EIF2AK4: variants seen among roughly 807,000 people sequenced by gnomAD.
The protein encoded by EIF2AK4 is eukaryotic translation initiation factor 2 alpha kinase 4.
Under a neutral mutation model 211.1 loss-of-function variants are expected in EIF2AK4, and 139 were observed. That is an observed-to-expected ratio of 0.66 (90% CI 0.57 to 0.76). EIF2AK4 has a LOEUF of 0.76. EIF2AK4 is among the 30% of genes least tolerant of loss of function. EIF2AK4 has a pLI of 0.00. For synonymous variants in EIF2AK4, 710 were observed against 751.3 expected (o/e 0.94, Z 0.90); for missense variants, 1,664 against 2,043.8 (o/e 0.81, Z 3.58).
At chr15:40,034,524 G>A in intron 38 of EIF2AK4, 80 bp downstream of exon 38, 1 of 1,133,580 alleles carries the variant, frequency 8.8e-7, no homozygotes, top group East Asian at 2.4e-5. Flanking sequence ...TTATTTTGTT[G>A]TCTTGTTGAG....
At chr15:39,999,441 T>C (rs986928420) in intron 20 of EIF2AK4, among the ~76,000 whole-genome samples, 3 of 152,200 alleles carry the variant, frequency 2.0e-5, no homozygotes, top group Admixed American at 2.0e-4. Context: ...TTTCTCAAAC[T>C]GACTTACTGA....
rs1428466681 is a variant in EIF2AK4 at position 40,034,416 on chromosome 15, G to GA, written c.4867dup (p.Ile1623AsnfsTer3). ...AAGATACCTCAAATTAGTCTGTGAT[G>GA]AAATTTATAACATCAAAGTAGAAAA... On this transcript the variant is annotated frameshift_variant, in exon 38 of 39. Coordinates refer to ENST00000263791, the MANE Select transcript of EIF2AK4 (RefSeq NM_001013703.4). LOFTEE classifies it high-confidence loss of function. 6.2e-6 allele frequency: 10 copies of GA among 1,613,996 alleles called. No individual in the cohort carries two copies. Among genetic ancestry groups the GA allele is most frequent in the Non-Finnish European group, 8.5e-6 (10 of 1,179,936 alleles).
intron 3 of EIF2AK4, chr15:39,946,762 C>A: frequency 1.5e-6 from 1 of 660,358 alleles, no homozygotes; most frequent in Non-Finnish European, 2.8e-6. Context: ...CCCCAGCCTT[C>A]ACCAGCCACC....
At chr15:40,008,297 G>A in intron 25 of EIF2AK4, 102 bp downstream of exon 25, 1 of 1,062,190 alleles carries the variant, frequency 9.4e-7, no homozygotes, top group South Asian at 1.8e-5. Flanking sequence ...AGTCTGTCCT[G>A]CAGATGAATC....
At chr15:39,978,749 T>C (rs1445577266) in intron 13 of EIF2AK4, among the ~76,000 whole-genome samples, 2 of 152,218 alleles carry the variant, frequency 1.3e-5, no homozygotes, top group East Asian at 3.8e-4. Context: ...TAATTTTTTT[T>C]TGAGATTGTG....
chr15:40,029,832 G>A (rs147473060), intron 34 of EIF2AK4, among the ~76,000 whole-genome samples: 9 of 152,242 alleles, frequency 5.9e-5, no homozygotes, highest in Non-Finnish European at 1.2e-4. Context: ...TTTTGTTTTC[G>A]TGAAAGCCAA....
intron 14 of EIF2AK4, 120 bp from the exon 15 acceptor site, chr15:39,987,863 C>T (rs1309063762): frequency 5.2e-6 from 6 of 1,145,642 alleles, no homozygotes; most frequent in Non-Finnish European, 7.2e-6. Flanking sequence ...CCAAGTCTTT[C>T]CCCTAACCGT....
intron 12 of EIF2AK4, 43 bp from the exon 13 acceptor site, chr15:39,978,035 T>G: frequency 7.2e-7 from 1 of 1,390,510 alleles, no homozygotes; most frequent in Non-Finnish European, 1.0e-6. Context: ...ATAATGATAA[T>G]AGGGATTTCT....
At chr15:40,009,798 C>G (rs2035211956) in intron 26 of EIF2AK4, 68 bp downstream of exon 26, 1 of 1,142,398 alleles carries the variant, frequency 8.8e-7, no homozygotes, top group Non-Finnish European at 1.3e-6. Flanking sequence ...AATAATAGTT[C>G]CTGATGATTT....
In EIF2AK4 at chr15:39,973,676, A is replaced by C. The variant is rs550405517; in HGVS notation, c.1745A>C (p.Gln582Pro). Residue 582 changes from glutamine to proline, a missense_variant, in exon 11 of 39, where the codon CAG becomes CCG. Gln to Pro is a moderately conservative substitution (Grantham distance 76, BLOSUM62 -1). Transcript: ENST00000263791. ...GCCTTCTTTAGTGAGACACAGAGAC[A>C]GTTTTCCCGATACTTCATTGAGTTT... ...SAAFFSETQR[Q>P]FSRYFIEFEE... 7.4e-6 allele frequency: 12 copies of C among 1,614,086 alleles called. No homozygotes were observed. Among genetic ancestry groups the C allele is most frequent in the Non-Finnish European group, 1.0e-5 (12 of 1,180,030 alleles).
intron 12 of EIF2AK4, chr15:39,977,147 A>AAAC: frequency 3.3e-6 from 1 of 305,788 alleles, no homozygotes; most frequent in Non-Finnish European, 6.0e-6. Context: ...ACAAAAACAA[A>AAAC]AACAAAACAA....
At chr15:39,954,791 C>G (rs549748980) in intron 5 of EIF2AK4, among the ~76,000 whole-genome samples, 1 of 152,276 alleles carries the variant, frequency 6.6e-6, no homozygotes, top group Admixed American at 6.5e-5. Flanking sequence ...TTTACTCATT[C>G]TCTTTTACAT....
intron 9 of EIF2AK4, 85 bp downstream of exon 9, chr15:39,967,964 T>A: frequency 7.2e-7 from 1 of 1,391,204 alleles, no homozygotes; most frequent in African/African-American, 1.4e-5. Flanking sequence ...CTAAGTGATG[T>A]GGAAGCTGAG....
intron 18 of EIF2AK4, among the ~76,000 whole-genome samples, chr15:39,996,681 A>T (rs769890279): frequency 8.5e-5 from 13 of 152,242 alleles, no homozygotes; most frequent in Non-Finnish European, 1.5e-4. Context: ...ACTGCACTTC[A>T]GCCTGGGTGA....
intron 1 of EIF2AK4, among the ~76,000 whole-genome samples, chr15:39,935,831 CAG>C (rs1437697347): frequency 1.3e-5 from 2 of 152,198 alleles, no homozygotes; most frequent in African/African-American, 2.4e-5. Context: ...TCCTTGCCCT[CAG>C]GGAGCTTACT....
At chr15:39,942,612 T>C (rs920141) in intron 2 of EIF2AK4, among the ~76,000 whole-genome samples, 47,282 of 151,892 alleles carry the variant, frequency 0.31, 8,147 homozygotes, top group East Asian at 0.6. Context: ...TCTGAGAGAG[T>C]TGTTATTGGA....
chr15:40,010,918 G>A (rs977366454), intron 26 of EIF2AK4, among the ~76,000 whole-genome samples: 5 of 152,316 alleles, frequency 3.3e-5, no homozygotes, highest in East Asian at 1.9e-4. Flanking sequence ...ATCTGCCAGC[G>A]TGGGATGAAA....
chr15:39,960,502 T>C (rs1248378742), intron 6 of EIF2AK4, among the ~76,000 whole-genome samples: 1 of 151,912 alleles, frequency 6.6e-6, no homozygotes, highest in Non-Finnish European at 1.5e-5. Context: ...AGGGGAAAAA[T>C]CAGGTTTAGA....
At chr15:39,955,553 T>C in intron 5 of EIF2AK4, 67 bp from the exon 6 acceptor site, 1 of 1,500,542 alleles carries the variant, frequency 6.7e-7, no homozygotes, top group South Asian at 1.3e-5. Context: ...GAATTAATAA[T>C]TATGTACCAT....
Sources: allele counts gnomAD v4.1 joint callset (sites outside exome capture counted in the v4.1 genomes callset), GRCh38; gene constraint gnomAD v4.1.1; transcripts MANE v1.5; gene names NCBI Gene and HGNC (gene_info 2026-07-23, HGNC 2026-07-21).